ADGRB1: variants seen among roughly 807,000 people sequenced by gnomAD.
ADGRB1 encodes brain-specific angiogenesis inhibitor 1.
In ADGRB1, 36 loss-of-function variants were observed where a neutral mutation model predicts 175.7. The ratio of observed to expected loss-of-function variants is 0.20; its 90% confidence interval spans 0.16 to 0.27. The LOEUF (loss-of-function observed/expected upper bound fraction) is 0.27. Ranked by LOEUF, ADGRB1 falls within the 10% of genes least tolerant of loss-of-function variation. The pLI, the probability that ADGRB1 is intolerant of heterozygous loss-of-function variation, is 1.00. For synonymous variants in ADGRB1, 1,054 were observed against 979.4 expected, an observed-to-expected ratio of 1.08 and a Z score of -1.42; for missense variants, 1,731 against 2,255.3, an observed-to-expected ratio of 0.77 and a Z score of 4.71.
chr8:142,451,569 G>T (rs1319856125), intron 1 of ADGRB1, among the ~76,000 whole-genome samples: 1 of 152,086 alleles, frequency 6.6e-6, no homozygotes. Flanking sequence ...GCCGCTTGTC[G>T]TTTGTGTTGG....
chr8:142,495,311 C>T (rs1440760630), intron 17 of ADGRB1, among the ~76,000 whole-genome samples: 10 of 151,258 alleles, frequency 6.6e-5, no homozygotes, highest in African/African-American at 2.2e-4. Context: ...GGTGGGTGGG[C>T]GGACTGTGGA....
intron 25 of ADGRB1, among the ~76,000 whole-genome samples, chr8:142,535,079 C>CA (rs953135870): frequency 6.6e-6 from 1 of 152,252 alleles, no homozygotes; most frequent in African/African-American, 2.4e-5. Context: ...AAATTAAAAA[C>CA]AGAGAGCAGC....
Position 142,464,671 on chromosome 8 carries a change from C to A in ADGRB1, c.473C>A (p.Pro158His), listed in dbSNP as rs2131678011. The A allele has an allele frequency of 6.6e-7, 1 of 1,524,442 alleles. No individual in the cohort carries two copies. Among genetic ancestry groups the A allele is most frequent in the South Asian group, 1.2e-5 (1 of 82,830 alleles). The allele number at this position is 1,524,442 out of a possible 1,614,324, so 94.4% of individuals were successfully genotyped here. The change falls in exon 2 of 31, where the codon CCC (proline) becomes CAC (histidine). Residue 158 changes from proline to histidine, a missense_variant. Pro to His is a moderately conservative substitution (Grantham distance 77). Around this residue, in one of 8 missense-constraint regions of ADGRB1, gnomAD observed 383 missense variants for 383.1 expected, o/e 1.00. Transcript: ENST00000517894. Reference sequence around the variant, plus strand: ...CCGCCCCAGCACGACGGGCTCCGGCCCCGGGCCGGGCCGCCGGGCCCCACC... The same window carrying A: ...CCGCCCCAGCACGACGGGCTCCGGCACCGGGCCGGGCCGCCGGGCCCCACC... ...QQPPQHDGLR[P>H]RAGPPGPTDD...
At chr8:142,499,103 C>G (rs771541512) in intron 17 of ADGRB1, among the ~76,000 whole-genome samples, 1 of 152,230 alleles carries the variant, frequency 6.6e-6, no homozygotes, top group African/African-American at 2.4e-5. Context: ...CCGTGGGCTG[C>G]GAATGCCCAC....
At chr8:142,513,225 G>A (rs941274026) in intron 18 of ADGRB1, among the ~76,000 whole-genome samples, 1 of 152,206 alleles carries the variant, frequency 6.6e-6, no homozygotes, top group East Asian at 1.9e-4. Context: ...GGGAGCCTCA[G>A]TGTCCTCATC....
chr8:142,537,109 G>C lies in ADGRB1; in HGVS notation c.3666+27G>C, dbSNP rs1166205593. 12 of 1,445,890 alleles carry C rather than the reference G, an allele frequency of 8.3e-6. No homozygotes were observed. The highest frequency in any genetic ancestry group is 7.3e-6 in the Non-Finnish European group (8 of 1,094,410). 89.6% of individuals were successfully genotyped at this position (1,445,890 alleles called of 1,614,324 possible). A position where few individuals can be genotyped will look rare whatever the true frequency, so the allele number is the denominator to read the frequency against. ...TAGGACTCAGGGCCCGGGGACTCAG[G>C]CTGCCCTACCTGCCTCGTACCCCCG... On this transcript the variant is annotated intron_variant, in intron 26 of 30. Coordinates refer to ENST00000517894, the MANE Select transcript of ADGRB1 (RefSeq NM_001702.3). The surrounding 1 kb of genome is among the most constrained non-coding windows in gnomAD (Gnocchi z 4.6).
In ADGRB1 at chr8:142,542,023, G is replaced by A; in HGVS notation, c.3789G>A (p.Lys1263=). 6.2e-7 allele frequency: 1 copy of A among 1,607,700 alleles called. No homozygotes were observed. Among genetic ancestry groups the A allele is most frequent in the Non-Finnish European group, 8.5e-7 (1 of 1,178,030 alleles). Residue 1263 remains lysine (K), a synonymous_variant, in exon 28 of 31, where the codon AAG becomes AAA. Transcript: ENST00000517894. This position sits in a 1 kb window ranked among gnomAD's most constrained non-coding sequence, Gnocchi z 6.3. ...LKRPSLPEEE[K]LKLAHAKGPP... ...GGCCGTCTCTGCCCGAGGAGGAGAA[G>A]CTGAAGCTGGCCCATGCCAAGGGGC...
chr8:142,538,751 G>A (rs761653085), intron 26 of ADGRB1, among the ~76,000 whole-genome samples: 15 of 152,122 alleles, frequency 9.9e-5, no homozygotes, highest in Non-Finnish European at 1.8e-4. Context: ...GGTGGGTGCC[G>A]GCCTTGGCCC....
At position 142,544,381 on chromosome 8, in the gene ADGRB1, G is replaced by A. The variant is rs1241706681; in HGVS notation, c.4719G>A (p.Val1573=). The change falls in exon 31 of 31, where the codon GTG becomes GTA. Residue 1573 remains valine, a synonymous_variant. Coordinates refer to ENST00000517894, the MANE Select transcript of ADGRB1 (RefSeq NM_001702.3). ...WERSGATIPL[V]GQDIIDLQTE... is the part of the protein sequence containing the mutation. ...GGTCGGGCGCCACGATCCCGCTGGT[G>A]GGCCAGGACATCATCGACCTCCAGA... The A allele has an allele frequency of 1.2e-5, 18 of 1,526,336 alleles. No individual in the cohort carries two copies. In the East Asian group the frequency reaches 3.2e-4, roughly 27 times the overall value. 94.5% of individuals were successfully genotyped at this position (1,526,336 alleles called of 1,614,324 possible). A position where few individuals can be genotyped will look rare whatever the true frequency, so the allele number is the denominator to read the frequency against.
intron 17 of ADGRB1, among the ~76,000 whole-genome samples, chr8:142,498,618 A>G (rs1490686734): frequency 6.6e-6 from 1 of 151,944 alleles, no homozygotes; most frequent in Non-Finnish European, 1.5e-5. Context: ...ATGAGGGACC[A>G]CTATATTGAG....
intron 1 of ADGRB1, 95 bp downstream of exon 1, chr8:142,450,199 C>G (rs1038866591): frequency 6.6e-6 from 1 of 151,808 alleles, no homozygotes; most frequent in African/African-American, 2.4e-5. Flanking sequence ...CCCAGACTTC[C>G]TAACTTCGCC....
Position 142,543,729 on chromosome 8 carries a change from C to T in ADGRB1, c.4557+21C>T, listed in dbSNP as rs371563678. ...GCAAGGTCTGGAGGGCAGGGAGGGG[C>T]GGGGTGGGGAGAGCCCTTAGGTCAG... is the stretch of plus-strand genomic sequence containing the variant. On this transcript the variant is annotated intron_variant, in intron 30 of 30. Coordinates refer to ENST00000517894, the MANE Select transcript of ADGRB1 (RefSeq NM_001702.3). This position sits in a 1 kb window ranked among gnomAD's most constrained non-coding sequence, Gnocchi z 4.4. 86 of 387,754 alleles carry T rather than the reference C, an allele frequency of 2.2e-4. 2 individuals carry two copies. The highest frequency in any genetic ancestry group is 1.0e-3 in the South Asian group (53 of 50,498). The allele number at this position is 387,754 out of a possible 1,614,324, so 24.0% of individuals were successfully genotyped here. A position where few individuals can be genotyped will look rare whatever the true frequency, so the allele number is the denominator to read the frequency against.
At chr8:142,480,272 G>C (rs1395217369) in intron 9 of ADGRB1, among the ~76,000 whole-genome samples, 3 of 152,188 alleles carry the variant, frequency 2.0e-5, no homozygotes, top group Non-Finnish European at 2.9e-5. Context: ...ACAGGCAGCA[G>C]GCAGAGAGGA....
intron 19 of ADGRB1, 76 bp from the exon 20 acceptor site, chr8:142,520,747 G>T: frequency 1.5e-6 from 2 of 1,324,816 alleles, no homozygotes; most frequent in Non-Finnish European, 1.1e-6. Context: ...CTCTGGTCTT[G>T]GTGCCACAGG....
chr8:142,477,294 G>A lies in ADGRB1; in HGVS notation c.1222+16G>A. ...GTGTGCCCAGGTGGGTGGGACCTTG[G>A]GCTGGGGCAGCGGACAGCCAGGGCA... On this transcript the variant is annotated intron_variant, in intron 5 of 30. Transcript: ENST00000517894. 6.3e-7 allele frequency: 1 copy of A among 1,587,978 alleles called. No individual in the cohort carries two copies. Among genetic ancestry groups the A allele is most frequent in the East Asian group, 2.3e-5 (1 of 44,442 alleles).
chr8:142,462,265 T>C (rs1563677026), intron 1 of ADGRB1, among the ~76,000 whole-genome samples: 1 of 152,174 alleles, frequency 6.6e-6, no homozygotes, highest in African/African-American at 2.4e-5. Context: ...GCCATGTCTG[T>C]TCCCAGATCC....
At position 142,539,511 on chromosome 8, in the gene ADGRB1, G is replaced by A. The variant is rs1053738217; in HGVS notation, c.3706+98G>A. 3 of 1,419,184 alleles carry A rather than the reference G, an allele frequency of 2.1e-6. No individual in the cohort carries two copies. In the Admixed American group the frequency reaches 5.9e-5, roughly 28 times the overall value. 87.9% of individuals were successfully genotyped at this position (1,419,184 alleles called of 1,614,324 possible). On this transcript the variant is annotated intron_variant, in intron 27 of 30. Transcript: ENST00000517894. ...TGCCTCCCCCACATCACCCATCCCT[G>A]TCCACTCCTGCTGCCCCCACCCACA...
chr8:142,474,516 C>G lies in ADGRB1; in HGVS notation c.785-958C>G, dbSNP rs1216082645. ...GGACGCGGCAGCCCCTTCCCGGCCC[C>G]CTGGTGCTGCTGCCCCTCTCTGGCC... On this transcript the variant is annotated intron_variant, in intron 2 of 30. Coordinates refer to ENST00000517894, the MANE Select transcript of ADGRB1 (RefSeq NM_001702.3). The surrounding 1 kb of genome is among the most constrained non-coding windows in gnomAD (Gnocchi z 5.8). Among the ~76,000 whole-genome samples, 1 of 152,152 alleles carries G rather than the reference C, an allele frequency of 6.6e-6. No individual in the cohort carries two copies. The highest frequency in any genetic ancestry group is 1.9e-4 in the East Asian group (1 of 5,184).
In ADGRB1 at chr8:142,493,008, T is replaced by C. The variant is rs1842054703; in HGVS notation, c.2675+2193T>C. Among the ~76,000 whole-genome samples, 1 of 151,520 alleles carries C rather than the reference T, an allele frequency of 6.6e-6. No individual in the cohort carries two copies. The highest frequency in any genetic ancestry group is 6.6e-5 in the Admixed American group (1 of 15,252). On this transcript the variant is annotated intron_variant, in intron 17 of 30. Coordinates refer to ENST00000517894, the MANE Select transcript of ADGRB1 (RefSeq NM_001702.3). The surrounding 1 kb of genome is among the most constrained non-coding windows in gnomAD (Gnocchi z 5.0). ...GCTGGTGGCCTTCAGGAGCCTTCCC[T>C]CTCTACCAGCATAAATGCCAGCGTG...
Sources: allele counts gnomAD v4.1 joint callset (sites outside exome capture counted in the v4.1 genomes callset), GRCh38; gene constraint gnomAD v4.1.1; regional missense constraint gnomAD v4.1.1; non-coding constraint Gnocchi (gnomAD v3.1); transcripts MANE v1.5; gene names NCBI Gene and HGNC (gene_info 2026-07-23, HGNC 2026-07-21).